The following LRP5 variants were observed in gnomAD, a reference collection of about 807,000 sequenced individuals.
LRP5 encodes low-density lipoprotein receptor-related protein 5.
Under a neutral mutation model 154.1 loss-of-function variants are expected in LRP5, and 62 were observed. The ratio of observed to expected loss-of-function variants is 0.40; its 90% CI spans 0.33 to 0.50. The LOEUF (loss-of-function observed/expected upper bound fraction) is 0.50. Among genes scored for constraint, LRP5 ranks in the 20% least tolerant of loss-of-function variants. LRP5 has a pLI of 0.55. For missense variants in LRP5, 1,915 were observed against 2,336.7 expected, an observed-to-expected ratio of 0.82 and a Z score of 3.72; for synonymous variants, 966 against 1,011.5, an observed-to-expected ratio of 0.96 and a Z score of 0.85.
chr11:68,389,636 A>G lies in LRP5; in HGVS notation c.1413-245A>G, dbSNP rs377226342. On this transcript the variant is annotated intron_variant, in intron 6 of 22. Transcript: ENST00000294304. ...TTTACCGACACTGACATTTACTGAC[A>G]CTGACATCTACTGATACTGGCATCT... Among the ~76,000 whole-genome samples the G allele has an allele frequency of 3.4e-3, 517 of 150,570 alleles. 3 individuals carry two copies. Among genetic ancestry groups the G allele is most frequent in the South Asian group, 0.015 (70 of 4,672 alleles).
chr11:68,405,772 C>A (rs1228779240), intron 8 of LRP5, among the ~76,000 whole-genome samples: 1 of 152,222 alleles, frequency 6.6e-6, no homozygotes, highest in Non-Finnish European at 1.5e-5. Flanking sequence ...AATAAACGAA[C>A]GGTCTGTACT....
At chr11:68,446,567 G>A (rs1335749543) in intron 22 of LRP5, 34 bp downstream of exon 22, 35 of 1,563,456 alleles carry the variant, frequency 2.2e-5, no homozygotes, top group Non-Finnish European at 3.1e-5. Context: ...CATGGCCATT[G>A]GGTTCCCGCC....
At chr11:68,436,783 C>T (rs1565114767) in intron 18 of LRP5, 106 bp from the exon 19 acceptor site, 1 of 787,956 alleles carries the variant, frequency 1.3e-6, no homozygotes, top group Non-Finnish European at 2.2e-6. Context: ...GAAAGGGTCC[C>T]ATCTGTCTGC....
chr11:68,412,535 C>T (rs933420582), intron 11 of LRP5, among the ~76,000 whole-genome samples: 1 of 151,782 alleles, frequency 6.6e-6, no homozygotes, highest in African/African-American at 2.4e-5. Flanking sequence ...GTCCAAGCTA[C>T]TTGGGAGGCT....
At chr11:68,395,988 C>G (rs4930573) in intron 7 of LRP5, among the ~76,000 whole-genome samples, 39,759 of 152,010 alleles carry the variant, frequency 0.26, 5,489 homozygotes, top group Admixed American at 0.43. Context: ...GCTGTGGACC[C>G]CCATCTCACA....
chr11:68,345,959 A>G (rs2098612564), intron 1 of LRP5, among the ~76,000 whole-genome samples: 1 of 152,092 alleles, frequency 6.6e-6, no homozygotes, highest in Non-Finnish European at 1.5e-5. Context: ...TTGGCCATTT[A>G]TATGTCATCT....
At chr11:68,420,189 G>A (rs1191208925) in intron 13 of LRP5, among the ~76,000 whole-genome samples, 1 of 152,190 alleles carries the variant, frequency 6.6e-6, no homozygotes, top group Non-Finnish European at 1.5e-5. Context: ...CTTCTCGGCA[G>A]ATGTCCGAAA....
chr11:68,436,341 G>A (rs1202305553), intron 18 of LRP5, among the ~76,000 whole-genome samples: 2 of 152,092 alleles, frequency 1.3e-5, no homozygotes, highest in Non-Finnish European at 2.9e-5. Flanking sequence ...CGTCTGGGGA[G>A]GGGTGGAGGC....
At chr11:68,442,144 G>A (rs1358654088) in intron 21 of LRP5, among the ~76,000 whole-genome samples, 1 of 152,252 alleles carries the variant, frequency 6.6e-6, no homozygotes, top group African/African-American at 2.4e-5. Context: ...ATGTGCAGTT[G>A]TGAGAAAGAG....
intron 14 of LRP5, among the ~76,000 whole-genome samples, chr11:68,424,684 GC>G (rs2098667700): frequency 1.3e-5 from 2 of 152,212 alleles, no homozygotes; most frequent in African/African-American, 4.8e-5. Context: ...TGTGGGCAGG[GC>G]CCTGCGCCCT....
intron 5 of LRP5, among the ~76,000 whole-genome samples, chr11:68,376,053 G>T (rs1308640968): frequency 6.6e-6 from 1 of 152,188 alleles, no homozygotes; most frequent in Non-Finnish European, 1.5e-5. Flanking sequence ...ACTGAGGCGG[G>T]GTGGGTGACA....
Position 68,449,204 on chromosome 11 carries a change from A to C in LRP5, c.*134A>C. Reference sequence around the variant, plus strand: ...AAAAACATGAGAAATGTGAACTGTGATGGGGTGGGCAGGGCTGGGAGAACT... The same window carrying C: ...AAAAACATGAGAAATGTGAACTGTGCTGGGGTGGGCAGGGCTGGGAGAACT... On this transcript the variant is annotated 3_prime_UTR_variant, in exon 23 of 23. Transcript: ENST00000294304. The C allele has an allele frequency of 6.3e-6, 2 of 315,244 alleles. No homozygotes were observed. Among genetic ancestry groups the C allele is most frequent in the Non-Finnish European group, 6.0e-6 (1 of 166,038 alleles). The allele number at this position is 315,244 out of a possible 1,614,324, so 19.5% of individuals were successfully genotyped here. A position where few individuals can be genotyped will look rare whatever the true frequency, so the allele number is the denominator to read the frequency against.
At chr11:68,361,800 T>C (rs527458069) in intron 3 of LRP5, among the ~76,000 whole-genome samples, 42 of 152,210 alleles carry the variant, frequency 2.8e-4, no homozygotes, top group African/African-American at 9.6e-4. Context: ...CCAGCCTGGG[T>C]GACAGAGCAA....
chr11:68,402,980 T>A (rs1347570802), intron 7 of LRP5, among the ~76,000 whole-genome samples: 1 of 152,160 alleles, frequency 6.6e-6, no homozygotes, highest in Non-Finnish European at 1.5e-5. Flanking sequence ...GCGCGGTGGC[T>A]CACGCCTGGA....
intron 21 of LRP5, among the ~76,000 whole-genome samples, chr11:68,444,072 G>A (rs899226737): frequency 1.3e-5 from 2 of 152,180 alleles, no homozygotes; most frequent in Non-Finnish European, 2.9e-5. Context: ...TTTCTTGGCT[G>A]ATGGCTTATG....
chr11:68,391,054 G>A (rs2098646039), intron 7 of LRP5, among the ~76,000 whole-genome samples: 1 of 152,118 alleles, frequency 6.6e-6, no homozygotes, highest in Non-Finnish European at 1.5e-5. Context: ...TGAAACCTCT[G>A]CCTCCTTGGG....
intron 5 of LRP5, among the ~76,000 whole-genome samples, chr11:68,378,976 G>A (rs1321769490): frequency 6.6e-6 from 1 of 151,866 alleles, no homozygotes; most frequent in Non-Finnish European, 1.5e-5. Flanking sequence ...GAACCCAGGA[G>A]ACAGAGGTTG....
chr11:68,349,690 G>A (rs1203535059), intron 2 of LRP5, among the ~76,000 whole-genome samples: 2 of 152,172 alleles, frequency 1.3e-5, no homozygotes, highest in Non-Finnish European at 2.9e-5. Context: ...CTTTGGAGTC[G>A]AAGTCCGGGG....
chr11:68,362,226 TA>T (rs952625925), intron 3 of LRP5, among the ~76,000 whole-genome samples: 7 of 152,130 alleles, frequency 4.6e-5, no homozygotes, highest in Admixed American at 4.6e-4. Context: ...TGTGTGTAGT[TA>T]AGTCCATCAA....
Sources: allele counts gnomAD v4.1 joint callset (sites outside exome capture counted in the v4.1 genomes callset), GRCh38; gene constraint gnomAD v4.1.1; transcripts MANE v1.5; gene names NCBI Gene and HGNC (gene_info 2026-07-23, HGNC 2026-07-21).